Variants in HMGCLL1 observed in about 807,000 individuals in gnomAD.
HMGCLL1 encodes 3-hydroxy-3-methylglutaryl-CoA lyase like 1.
Under a neutral mutation model 39.1 loss-of-function variants are expected in HMGCLL1, and 36 were observed. The ratio of observed to expected loss-of-function variants is 0.92; its 90% CI spans 0.71 to 1.22. HMGCLL1 has a LOEUF of 1.22. Ranked by LOEUF, HMGCLL1 falls within the 50% of genes most tolerant of loss-of-function variation. The probability of loss-of-function intolerance (pLI) is 0.00; values close to 1 mark genes in which losing one functional copy is unlikely to be tolerated. For synonymous variants in HMGCLL1, 149 were observed against 144.0 expected (o/e 1.03, Z -0.25); for missense variants, 451 against 416.5 (o/e 1.08, Z -0.72).
intron 7 of HMGCLL1, among the ~76,000 whole-genome samples, chr6:55,466,706 A>T (rs900038503): frequency 6.6e-6 from 1 of 152,018 alleles, no homozygotes; most frequent in African/African-American, 2.4e-5. Flanking sequence ...CACCTTACAC[A>T]CAAGGCCTTC....
chr6:55,503,599 C>T (rs770927574), intron 5 of HMGCLL1, among the ~76,000 whole-genome samples: 2 of 151,620 alleles, frequency 1.3e-5, no homozygotes, highest in South Asian at 4.1e-4. Context: ...TCTCGCTCAC[C>T]ATTATGCCCA....
intron 5 of HMGCLL1, among the ~76,000 whole-genome samples, chr6:55,507,078 C>A (rs551117318): frequency 6.6e-6 from 1 of 151,662 alleles, no homozygotes; most frequent in Admixed American, 6.6e-5. Context: ...ATGTGTTGTA[C>A]CAGAAAGCAT....
At chr6:55,442,736 C>G (rs1763660255) in intron 7 of HMGCLL1, among the ~76,000 whole-genome samples, 1 of 152,102 alleles carries the variant, frequency 6.6e-6, no homozygotes, top group Admixed American at 6.6e-5. Context: ...ATCTGACAAG[C>G]TTAGTCATAT....
At chr6:55,611,182 G>A in the HMGCLL1 span, among the ~76,000 whole-genome samples, 1 of 152,098 alleles carries the variant, frequency 6.6e-6, no homozygotes, top group Non-Finnish European at 1.5e-5. Context: ...ATGAAATTAA[G>A]GCACAAATCA....
intron 1 of HMGCLL1, among the ~76,000 whole-genome samples, chr6:55,553,837 G>C (rs1278904079): frequency 6.6e-6 from 1 of 152,148 alleles, no homozygotes; most frequent in Non-Finnish European, 1.5e-5. Context: ...TGATAGTAGA[G>C]CAGATTACCT....
chr6:55,669,127 A>C, the HMGCLL1 span, among the ~76,000 whole-genome samples: 1 of 151,812 alleles, frequency 6.6e-6, no homozygotes, highest in Admixed American at 6.6e-5. Context: ...AAAAAAAAAA[A>C]AAAGAAATGT....
the HMGCLL1 span, among the ~76,000 whole-genome samples, chr6:55,623,337 A>G: frequency 6.6e-6 from 1 of 151,480 alleles, no homozygotes; most frequent in Admixed American, 6.6e-5. Flanking sequence ...ATATATTGTT[A>G]GGTTGTTTAT....
intron 6 of HMGCLL1, among the ~76,000 whole-genome samples, chr6:55,497,511 T>C (rs1399286703): frequency 6.6e-6 from 1 of 151,954 alleles, no homozygotes; most frequent in Admixed American, 6.6e-5. Flanking sequence ...AATGGGGAAA[T>C]GAATATTGAC....
chr6:55,490,068 G>A (rs754669769), intron 7 of HMGCLL1, among the ~76,000 whole-genome samples: 1 of 151,978 alleles, frequency 6.6e-6, no homozygotes. Context: ...CATATTCTCC[G>A]TCCTGTAATC....
At chr6:55,486,276 C>G (rs1356549408) in intron 7 of HMGCLL1, among the ~76,000 whole-genome samples, 1 of 151,698 alleles carries the variant, frequency 6.6e-6, no homozygotes, top group East Asian at 1.9e-4. Context: ...GGAAAACAAG[C>G]CAATAAACTC....
the HMGCLL1 span, among the ~76,000 whole-genome samples, chr6:55,591,270 T>G: frequency 6.6e-6 from 1 of 151,948 alleles, no homozygotes; most frequent in African/African-American, 2.4e-5. Context: ...AAGAATGTTT[T>G]CAGTCCTGAT....
the HMGCLL1 span, among the ~76,000 whole-genome samples, chr6:55,666,059 G>A: frequency 6.6e-6 from 1 of 151,770 alleles, no homozygotes; most frequent in African/African-American, 2.4e-5. Flanking sequence ...GAGAGGCAGA[G>A]GAAAGGAATC....
the HMGCLL1 span, among the ~76,000 whole-genome samples, chr6:55,643,272 TCCC>T: frequency 6.6e-6 from 1 of 152,078 alleles, no homozygotes; most frequent in African/African-American, 2.4e-5. Context: ...TGTGTAAGTG[TCCC>T]CTTTTCTCCG....
At chr6:55,448,376 T>C (rs1418420216) in intron 7 of HMGCLL1, among the ~76,000 whole-genome samples, 1 of 150,248 alleles carries the variant, frequency 6.7e-6, no homozygotes, top group Non-Finnish European at 1.5e-5. Flanking sequence ...AAATACATAA[T>C]ATGAAAAAAT....
intron 7 of HMGCLL1, among the ~76,000 whole-genome samples, chr6:55,475,125 T>C (rs1765228842): frequency 6.6e-6 from 1 of 151,504 alleles, no homozygotes; most frequent in African/African-American, 2.4e-5. Flanking sequence ...CTACAGGAAG[T>C]CTATTGTGGG....
chr6:55,492,982 G>T (rs559565162), intron 7 of HMGCLL1, among the ~76,000 whole-genome samples: 1 of 151,668 alleles, frequency 6.6e-6, no homozygotes, highest in East Asian at 1.9e-4. Flanking sequence ...CACGTGCACA[G>T]AAACACACAG....
chr6:55,589,031 G>A, the HMGCLL1 span, among the ~76,000 whole-genome samples: 1 of 152,116 alleles, frequency 6.6e-6, no homozygotes, highest in South Asian at 2.1e-4. Context: ...TAGAAAAAGA[G>A]GGAATCCTCC....
At chr6:55,522,410 T>C (rs1768085696) in intron 3 of HMGCLL1, among the ~76,000 whole-genome samples, 1 of 151,854 alleles carries the variant, frequency 6.6e-6, no homozygotes, top group South Asian at 2.1e-4. Flanking sequence ...TTAGAGAAAA[T>C]AGAACTTTCA....
At chr6:55,662,103 T>C in the HMGCLL1 span, among the ~76,000 whole-genome samples, 3 of 151,870 alleles carry the variant, frequency 2.0e-5, no homozygotes, top group African/African-American at 7.2e-5. Flanking sequence ...ATCACGAAGT[T>C]TTCCAGATAT....
Sources: allele counts gnomAD v4.1 joint callset (sites outside exome capture counted in the v4.1 genomes callset), GRCh38; gene constraint gnomAD v4.1.1; transcripts MANE v1.5; gene names NCBI Gene and HGNC (gene_info 2026-07-23, HGNC 2026-07-21).